The following SCAPER variants were observed in gnomAD, a reference collection of about 807,000 sequenced individuals.
The protein encoded by SCAPER is S phase cyclin A-associated protein in the endoplasmic reticulum.
A neutral mutation model predicts 182.2 loss-of-function variants in SCAPER; 98 were observed. That is an observed-to-expected ratio of 0.54 (90% CI 0.46 to 0.64). SCAPER has a LOEUF of 0.64. SCAPER is among the 30% of genes least tolerant of loss of function. SCAPER has a pLI of 0.00. For synonymous variants in SCAPER, 605 were observed against 564.6 expected, an observed-to-expected ratio of 1.07 and a Z score of -1.01; for missense variants, 1,432 against 1,690.0, an observed-to-expected ratio of 0.85 and a Z score of 2.68.
At chr15:76,608,770 G>A (rs1037527752) in intron 22 of SCAPER, among the ~76,000 whole-genome samples, 6 of 152,204 alleles carry the variant, frequency 3.9e-5, no homozygotes, top group Non-Finnish European at 5.9e-5. Context: ...GTTTGGTCTC[G>A]GACTGCTGTG....
rs546901300 is a variant in SCAPER at position 76,472,124 on chromosome 15, T to C, written c.2955-789A>G. On this transcript the variant is annotated intron_variant, in intron 24 of 31. Transcript: ENST00000563290. ...ATGCCCAAGAAAAAGCTGAAGGGGA[T>C]GCTACAGGCAATAGAGCCAAGGTGA... 7 of 372,320 alleles carry C rather than the reference T, an allele frequency of 1.9e-5. No homozygotes were observed. The East Asian group carries it at 4.6e-4, about 25-fold the overall frequency. The allele number at this position is 372,320 out of a possible 1,614,324, so 23.1% of individuals were successfully genotyped here.
intron 8 of SCAPER, among the ~76,000 whole-genome samples, chr15:76,781,435 G>A (rs1173249101): frequency 6.6e-6 from 1 of 152,198 alleles, no homozygotes; most frequent in Non-Finnish European, 1.5e-5. Flanking sequence ...AAAGAGATGG[G>A]GAGAATGGAA....
intron 8 of SCAPER, among the ~76,000 whole-genome samples, chr15:76,782,550 C>G (rs1308966328): frequency 3.3e-5 from 5 of 152,154 alleles, no homozygotes; most frequent in Admixed American, 6.5e-5. Context: ...ATCTACAGAA[C>G]TCTCCAACCC....
intron 27 of SCAPER, among the ~76,000 whole-genome samples, chr15:76,400,809 T>C (rs2044404104): frequency 6.6e-6 from 1 of 152,150 alleles, no homozygotes; most frequent in Non-Finnish European, 1.5e-5. Flanking sequence ...ATAAATAGAT[T>C]AAGAATTCTT....
chr15:76,848,905 C>T (rs1221210898), intron 4 of SCAPER, among the ~76,000 whole-genome samples: 2 of 152,178 alleles, frequency 1.3e-5, no homozygotes, highest in South Asian at 2.1e-4. Flanking sequence ...AGAACAGTCA[C>T]CCCAGCCATG....
chr15:76,785,084 T>C (rs549749409), intron 8 of SCAPER, among the ~76,000 whole-genome samples: 24 of 152,084 alleles, frequency 1.6e-4, no homozygotes, highest in African/African-American at 5.6e-4. Flanking sequence ...ACCGTCAGAG[T>C]GAACAGGCAT....
chr15:76,760,985 C>T (rs1335820144), intron 14 of SCAPER, among the ~76,000 whole-genome samples: 1 of 152,090 alleles, frequency 6.6e-6, no homozygotes, highest in Non-Finnish European at 1.5e-5. Flanking sequence ...AGCCATCTGG[C>T]CCTAGGCTTT....
At chr15:76,722,988 T>C (rs2060352679) in intron 17 of SCAPER, among the ~76,000 whole-genome samples, 2 of 152,184 alleles carry the variant, frequency 1.3e-5, no homozygotes, top group South Asian at 4.1e-4. Context: ...ATGTGTTTGC[T>C]CTTGCTTCTC....
chr15:76,385,585 C>G (rs762359649), intron 27 of SCAPER, among the ~76,000 whole-genome samples: 1 of 152,090 alleles, frequency 6.6e-6, no homozygotes, highest in Non-Finnish European at 1.5e-5. Context: ...TTTTACTGTT[C>G]AAGGAGAGGT....
Position 76,448,281 on chromosome 15 carries a change from G to T in SCAPER, c.3079-13971C>A, listed in dbSNP as rs552577036. 3.3e-5 allele frequency among the ~76,000 whole-genome samples: 5 copies of T among 152,186 alleles called. No individual in the cohort carries two copies. In the South Asian group the frequency reaches 1.0e-3, roughly 32 times the overall value. On this transcript the variant is annotated intron_variant, in intron 25 of 31. Coordinates refer to ENST00000563290, the MANE Select transcript of SCAPER (RefSeq NM_020843.4). ...GTTACAATTAACAGCAGGGAAGGAG[G>T]CTATTATATTACTTAGAAATGAAAG...
chr15:76,836,264 A>C (rs935720780), intron 5 of SCAPER, among the ~76,000 whole-genome samples: 1 of 152,156 alleles, frequency 6.6e-6, no homozygotes, highest in Admixed American at 6.5e-5. Context: ...CAATAGCCAA[A>C]GCAATCCTAA....
chr15:76,729,103 G>A (rs532092497), intron 16 of SCAPER, among the ~76,000 whole-genome samples: 8 of 152,120 alleles, frequency 5.3e-5, no homozygotes, highest in Admixed American at 2.6e-4. Context: ...TCCTTCAGCC[G>A]TGCTGGATGC....
At position 76,665,698 on chromosome 15, in the gene SCAPER, T is replaced by A; in HGVS notation, c.2600A>T (p.Lys867Ile). 6.3e-7 allele frequency: 1 copy of A among 1,580,700 alleles called. No homozygotes were observed. Among genetic ancestry groups the A allele is most frequent in the Non-Finnish European group, 8.6e-7 (1 of 1,163,478 alleles). ...TATCTTTTTGGCTTTTTTTTTATTT[T>A]TTTGCCGCTCTTCTCCATCTTTCAA... Reference protein sequence around the residue: ...EALKDGEERQKNKKKAKKIKA... With the variant: ...EALKDGEERQINKKKAKKIKA... The change falls in exon 21 of 32, where the codon AAA becomes ATA. Residue 867 changes from lysine to isoleucine, a missense_variant. Around this residue, in one of 5 missense-constraint regions of SCAPER, gnomAD observed 718 missense variants for 799.7 expected, o/e 0.90. Transcript: ENST00000563290.
intron 21 of SCAPER, among the ~76,000 whole-genome samples, chr15:76,655,440 G>A (rs1009492684): frequency 3.9e-5 from 6 of 152,312 alleles, no homozygotes; most frequent in Non-Finnish European, 5.9e-5. Context: ...AAGAGAAGGA[G>A]AGAAAAAGCA....
intron 21 of SCAPER, among the ~76,000 whole-genome samples, chr15:76,657,969 G>A (rs2055814023): frequency 6.6e-6 from 1 of 152,088 alleles, no homozygotes; most frequent in Non-Finnish European, 1.5e-5. Context: ...ATACTGAACA[G>A]GCAAAAGCTG....
At chr15:76,525,795 T>C (rs1458619820) in intron 23 of SCAPER, among the ~76,000 whole-genome samples, 13 of 152,240 alleles carry the variant, frequency 8.5e-5, no homozygotes, top group Non-Finnish European at 1.0e-4. Flanking sequence ...GTCTTTACTA[T>C]TGTGAATAGC....
intron 8 of SCAPER, among the ~76,000 whole-genome samples, chr15:76,777,221 C>A (rs765330334): frequency 6.6e-6 from 1 of 152,138 alleles, no homozygotes; most frequent in African/African-American, 2.4e-5. Context: ...GCACATTTAT[C>A]AAGGGACTGA....
At chr15:76,827,279 C>G (rs969930083) in intron 5 of SCAPER, among the ~76,000 whole-genome samples, 1 of 152,202 alleles carries the variant, frequency 6.6e-6, no homozygotes, top group Non-Finnish European at 1.5e-5. Flanking sequence ...TATGCCAGTT[C>G]CCAAATGAGA....
intron 20 of SCAPER, among the ~76,000 whole-genome samples, chr15:76,685,494 T>C (rs1221116167): frequency 6.6e-6 from 1 of 152,082 alleles, no homozygotes. Flanking sequence ...CTTGCATTTC[T>C]ATAGAGCAAC....
Sources: gnomAD v4.1 joint callset for allele counts (sites outside exome capture counted in the v4.1 genomes callset) on GRCh38, gnomAD v4.1.1 for gene constraint, gnomAD v4.1.1 regional missense constraint, MANE v1.5 for transcripts, NCBI Gene and HGNC (gene_info 2026-07-23, HGNC 2026-07-21) for gene names.